PRKAR1B: variants seen among roughly 807,000 people sequenced by gnomAD.
PRKAR1B encodes cAMP-dependent protein kinase type I-beta regulatory subunit.
PRKAR1B carries 22 observed loss-of-function variants against 46.5 expected under a neutral mutation model. That is an observed-to-expected ratio of 0.47 (90% CI 0.34 to 0.68). The LOEUF (loss-of-function observed/expected upper bound fraction) is 0.68, where lower values mean the gene tolerates loss of function less well. Among genes scored for constraint, PRKAR1B ranks in the 30% least tolerant of loss-of-function variants. The pLI, the probability that PRKAR1B is intolerant of heterozygous loss-of-function variation, is 0.01. For missense variants in PRKAR1B, 445 were observed against 535.6 expected (o/e 0.83, Z 1.67); for synonymous variants, 259 against 217.7 (o/e 1.19, Z -1.67).
intron 9 of PRKAR1B, among the ~76,000 whole-genome samples, chr7:571,111 C>T (rs1779485211): frequency 6.6e-6 from 1 of 152,178 alleles, no homozygotes; most frequent in South Asian, 2.1e-4. Context: ...AGAAGGCGGC[C>T]CCAAAAGAGC....
At position 652,096 on chromosome 7, in the gene PRKAR1B, A is replaced by G. The variant is rs372219400; in HGVS notation, c.440+25133T>C. ...CTCGGAACACAGTTCACACCCACAC[A>G]GCGCTAGGAACCTGGGGAAACCCCT... On this transcript the variant is annotated intron_variant, in intron 4 of 10. Transcript: ENST00000537384. Among the ~76,000 whole-genome samples the G allele has an allele frequency of 1.8e-3, 207 of 118,004 alleles. 1 individual carries two copies. Among genetic ancestry groups the G allele is most frequent in the South Asian group, 5.3e-3 (16 of 3,024 alleles). 77.4% of individuals were successfully genotyped at this position (118,004 alleles called of 152,430 possible).
intron 1 of PRKAR1B, among the ~76,000 whole-genome samples, chr7:715,146 G>T (rs79392865): frequency 0.04 from 6,106 of 152,182 alleles, 161 homozygotes; most frequent in Non-Finnish European, 0.063. Flanking sequence ...ACTCCAGCCT[G>T]GGCAGCAAAA....
chr7:635,381 G>A lies in PRKAR1B; in HGVS notation c.441-27929C>T, dbSNP rs1443848262. Reference sequence around the variant, plus strand: ...AGGCAGACTGTGGCATCGCTGCTCTGAAAACAGGGGTCAGAGCAGCAGGCC... The same window carrying A: ...AGGCAGACTGTGGCATCGCTGCTCTAAAAACAGGGGTCAGAGCAGCAGGCC... On this transcript the variant is annotated intron_variant, in intron 4 of 10. Coordinates refer to ENST00000537384, the MANE Select transcript of PRKAR1B (RefSeq NM_001164760.2). Among the ~76,000 whole-genome samples the A allele has an allele frequency of 7.2e-5, 11 of 152,316 alleles. No individual in the cohort carries two copies. The South Asian group carries it at 2.3e-3, about 32-fold the overall frequency.
chr7:560,713 T>A lies in PRKAR1B; in HGVS notation c.892-9243A>T, dbSNP rs112845694. Among the ~76,000 whole-genome samples, 1 of 152,350 alleles carries A rather than the reference T, an allele frequency of 6.6e-6. No individual in the cohort carries two copies. Among genetic ancestry groups the A allele is most frequent in the East Asian group, 1.9e-4 (1 of 5,192 alleles). On this transcript the variant is annotated intron_variant, in intron 9 of 10. Coordinates refer to ENST00000537384, the MANE Select transcript of PRKAR1B (RefSeq NM_001164760.2). This position sits in a 1 kb window ranked among gnomAD's most constrained non-coding sequence, Gnocchi z 4.2. ...CCAGCCTCAGCTGCCTCATCTGTTA[T>A]ATGGGACAACGCCAACCAATGCTAC... is the stretch of plus-strand genomic sequence containing the variant.
intron 4 of PRKAR1B, among the ~76,000 whole-genome samples, chr7:653,509 G>C (rs1785022216): frequency 6.6e-6 from 1 of 152,146 alleles, no homozygotes; most frequent in South Asian, 2.1e-4. Context: ...TGCTAAGCAA[G>C]GCCACCTGGC....
At chr7:669,948 C>A (rs1383102452) in intron 4 of PRKAR1B, among the ~76,000 whole-genome samples, 1 of 146,594 alleles carries the variant, frequency 6.8e-6, no homozygotes, top group East Asian at 2.1e-4. Context: ...TCACTGCAAG[C>A]TCCGCCTCCC....
intron 9 of PRKAR1B, among the ~76,000 whole-genome samples, chr7:558,617 G>A (rs1027981647): frequency 7.2e-5 from 11 of 152,112 alleles, no homozygotes; most frequent in Middle Eastern, 3.4e-3. Context: ...TTAGCCAGGC[G>A]TGGTGCGCGC....
At chr7:632,512 G>T (rs983651996) in intron 4 of PRKAR1B, among the ~76,000 whole-genome samples, 18 of 152,334 alleles carry the variant, frequency 1.2e-4, no homozygotes, top group Non-Finnish European at 4.4e-5. Context: ...CCGCTGCCGG[G>T]TCATGGCACT....
intron 9 of PRKAR1B, among the ~76,000 whole-genome samples, chr7:577,747 G>T (rs1562532138): frequency 1.3e-5 from 2 of 152,330 alleles, no homozygotes; most frequent in East Asian, 3.9e-4. Context: ...GATGCATGTG[G>T]GCCCCAAAGT....
In PRKAR1B at chr7:584,708, G is replaced by A. The variant is rs544544545; in HGVS notation, c.709-140C>T. On this transcript the variant is annotated intron_variant, in intron 7 of 10. Coordinates refer to ENST00000537384, the MANE Select transcript of PRKAR1B (RefSeq NM_001164760.2). ...ATTCCAAGTCCCCAAAGCCCTCGAC[G>A]ACTCGGAGTCTGCGTGAGCTGCCAC... 51 of 712,060 alleles carry A rather than the reference G, an allele frequency of 7.2e-5. No individual in the cohort carries two copies. In the South Asian group the frequency reaches 8.0e-4, roughly 11 times the overall value. 44.1% of individuals were successfully genotyped at this position (712,060 alleles called of 1,614,324 possible).
rs1337169240 is a variant in PRKAR1B, at chr7:667,010, G to A, written c.440+10219C>T. 1.3e-5 allele frequency among the ~76,000 whole-genome samples: 2 copies of A among 152,192 alleles called. No homozygotes were observed. The highest frequency in any genetic ancestry group is 2.9e-5 in the Non-Finnish European group (2 of 68,028). On this transcript the variant is annotated intron_variant, in intron 4 of 10. Transcript: ENST00000537384. This position sits in a 1 kb window ranked among gnomAD's most constrained non-coding sequence, Gnocchi z 4.3. Reference sequence around the variant, plus strand: ...AGATGATGATGGCAATGGTGGTGATGAGGATGGTGGTGGTGATGGTGATGA... The same window carrying A: ...AGATGATGATGGCAATGGTGGTGATAAGGATGGTGGTGGTGATGGTGATGA...
chr7:607,310 G>C, intron 5 of PRKAR1B, 81 bp downstream of exon 5: 1 of 1,384,436 alleles, frequency 7.2e-7, no homozygotes, highest in Non-Finnish European at 1.0e-6. Context: ...CATCGTGCCT[G>C]CCCTTATGCT....
At chr7:570,180 G>A (rs915812019) in intron 9 of PRKAR1B, among the ~76,000 whole-genome samples, 8 of 152,198 alleles carry the variant, frequency 5.3e-5, no homozygotes, top group African/African-American at 1.9e-4. Context: ...GAGGACGCGC[G>A]GCCGGTGCAG....
At chr7:640,813 CAA>C (rs1784351506) in intron 4 of PRKAR1B, among the ~76,000 whole-genome samples, 1 of 139,608 alleles carries the variant, frequency 7.2e-6, no homozygotes, top group African/African-American at 2.7e-5. Context: ...CACACAGACA[CAA>C]ATGAAATACC....
At chr7:619,345 T>C (rs1194780363) in intron 4 of PRKAR1B, among the ~76,000 whole-genome samples, 2 of 152,206 alleles carry the variant, frequency 1.3e-5, no homozygotes, top group Non-Finnish European at 2.9e-5. Context: ...AAGGCCAAGT[T>C]TGTCCTTCTG....
intron 1 of PRKAR1B, among the ~76,000 whole-genome samples, chr7:720,301 G>A (rs913137838): frequency 9.2e-5 from 14 of 152,154 alleles, no homozygotes; most frequent in Admixed American, 3.9e-4. Flanking sequence ...CAGGTGATCC[G>A]CCTGCCTCGG....
At chr7:600,385 G>C (rs547360665) in intron 6 of PRKAR1B, among the ~76,000 whole-genome samples, 1 of 152,294 alleles carries the variant, frequency 6.6e-6, no homozygotes, top group South Asian at 2.1e-4. Flanking sequence ...CACAGTGGTA[G>C]TCCCAGCTTC....
chr7:555,809 C>T (rs1778390393), intron 9 of PRKAR1B, among the ~76,000 whole-genome samples: 2 of 152,210 alleles, frequency 1.3e-5, no homozygotes, highest in East Asian at 3.9e-4. Context: ...TGCAGTCACC[C>T]GTGGTGGTGG....
intron 4 of PRKAR1B, among the ~76,000 whole-genome samples, chr7:640,373 A>G (rs989344348): frequency 6.6e-5 from 10 of 152,018 alleles, no homozygotes; most frequent in African/African-American, 2.4e-4. Context: ...TAGACATACG[A>G]TTCGGACAGA....
Sources: allele counts gnomAD v4.1 joint callset (sites outside exome capture counted in the v4.1 genomes callset), GRCh38; gene constraint gnomAD v4.1.1; non-coding constraint Gnocchi (gnomAD v3.1); transcripts MANE v1.5; gene names NCBI Gene and HGNC (gene_info 2026-07-23, HGNC 2026-07-21).